The following ESRRG variants were observed in gnomAD, a reference collection of about 807,000 sequenced individuals.
ESRRG encodes the protein estrogen related receptor gamma.
In ESRRG, 13 loss-of-function variants were observed where a neutral mutation model predicts 44.0. The ratio of observed to expected loss-of-function variants is 0.30; its 90% CI spans 0.19 to 0.47. ESRRG has a LOEUF of 0.47. ESRRG is among the 20% of genes least tolerant of loss of function. The probability of loss-of-function intolerance (pLI) is 1.00; values close to 1 mark genes in which losing one functional copy is unlikely to be tolerated. For synonymous variants in ESRRG, 215 were observed against 214.6 expected (o/e 1.00, Z -0.02); for missense variants, 395 against 580.6 (o/e 0.68, Z 3.29).
chr1:216,590,971 T>C (rs1451916839), intron 3 of ESRRG, among the ~76,000 whole-genome samples: 1 of 152,238 alleles, frequency 6.6e-6, no homozygotes, highest in Non-Finnish European at 1.5e-5. Flanking sequence ...ACAACAACTG[T>C]GGTATCATAG....
At chr1:216,958,854 A>T (rs2068480346) in intron 1 of ESRRG, among the ~76,000 whole-genome samples, 1 of 152,092 alleles carries the variant, frequency 6.6e-6, no homozygotes, top group Admixed American at 6.6e-5. Context: ...TTCCCTCTGC[A>T]GGGATTTTCT....
At chr1:216,830,041 A>G (rs1041359178) in intron 2 of ESRRG, among the ~76,000 whole-genome samples, 3 of 152,136 alleles carry the variant, frequency 2.0e-5, no homozygotes, top group African/African-American at 7.2e-5. Context: ...ACACACACAC[A>G]TGCACACACA....
At chr1:216,536,251 C>A (rs947922613) in intron 5 of ESRRG, among the ~76,000 whole-genome samples, 1 of 152,020 alleles carries the variant, frequency 6.6e-6, no homozygotes, top group Non-Finnish European at 1.5e-5. Context: ...AAAGAGCAAG[C>A]CTTTATATTT....
intron 1 of ESRRG, among the ~76,000 whole-genome samples, chr1:216,987,699 C>A (rs2075090448): frequency 6.6e-6 from 1 of 152,186 alleles, no homozygotes; most frequent in Admixed American, 6.5e-5. Flanking sequence ...GTGCCCCACT[C>A]CCATCCCTTC....
At chr1:217,060,994 T>C (rs1037239921) in intron 1 of ESRRG, among the ~76,000 whole-genome samples, 1 of 152,060 alleles carries the variant, frequency 6.6e-6, no homozygotes, top group African/African-American at 2.4e-5. Flanking sequence ...GTAGTCTTTT[T>C]TTTTTAGTAT....
intron 1 of ESRRG, among the ~76,000 whole-genome samples, chr1:217,064,614 C>A (rs1324189581): frequency 6.6e-6 from 1 of 152,072 alleles, no homozygotes; most frequent in Non-Finnish European, 1.5e-5. Flanking sequence ...GTGAATGAGG[C>A]CAGGAGATTG....
chr1:216,938,655 T>C (rs932259302), intron 2 of ESRRG, among the ~76,000 whole-genome samples: 1 of 152,206 alleles, frequency 6.6e-6, no homozygotes, highest in African/African-American at 2.4e-5. Context: ...AAGGGTTCAC[T>C]AGCAAGTACC....
chr1:217,088,810 G>T (rs2092251219), intron 1 of ESRRG, among the ~76,000 whole-genome samples: 1 of 152,062 alleles, frequency 6.6e-6, no homozygotes, highest in African/African-American at 2.4e-5. Flanking sequence ...CTGTCTCTGA[G>T]ACTCTCCCAT....
chr1:217,064,096 G>A (rs1312895514), intron 1 of ESRRG, among the ~76,000 whole-genome samples: 3 of 151,354 alleles, frequency 2.0e-5, no homozygotes, highest in South Asian at 4.2e-4. Context: ...AAAGCACAAG[G>A]GTTTAGTATA....
At chr1:216,766,840 A>G (rs1323199709) in intron 2 of ESRRG, among the ~76,000 whole-genome samples, 1 of 152,170 alleles carries the variant, frequency 6.6e-6, no homozygotes. Context: ...CATGACTCAG[A>G]CCAAATGCCT....
intron 1 of ESRRG, among the ~76,000 whole-genome samples, chr1:216,703,107 C>A (rs2151890139): frequency 6.6e-6 from 1 of 152,256 alleles, no homozygotes; most frequent in African/African-American, 2.4e-5. Flanking sequence ...CTTTGTTTAT[C>A]TAAGGAGTCT....
intron 2 of ESRRG, among the ~76,000 whole-genome samples, chr1:216,891,077 A>G (rs1172136401): frequency 2.0e-5 from 3 of 152,182 alleles, no homozygotes; most frequent in African/African-American, 4.8e-5. Context: ...TATGGAAAAA[A>G]AGGTTTCCTG....
At chr1:217,075,593 C>CCT (rs1266963898) in intron 1 of ESRRG, among the ~76,000 whole-genome samples, 2 of 147,862 alleles carry the variant, frequency 1.4e-5, no homozygotes, top group South Asian at 4.6e-4. Context: ...CTCCTTTCCC[C>CCT]CCCCCAACAT....
chr1:217,053,970 G>A (rs979528244), intron 1 of ESRRG, among the ~76,000 whole-genome samples: 15 of 151,640 alleles, frequency 9.9e-5, no homozygotes, highest in Admixed American at 8.5e-4. Flanking sequence ...GTTGTCAGCC[G>A]TGGCGTTCTT....
At chr1:216,766,096 T>C (rs976786293) in intron 2 of ESRRG, among the ~76,000 whole-genome samples, 1 of 152,142 alleles carries the variant, frequency 6.6e-6, no homozygotes, top group Non-Finnish European at 1.5e-5. Flanking sequence ...TTTTGATCTC[T>C]TCATTCAGCA....
chr1:216,766,566 CG>C (rs2093087957), intron 2 of ESRRG, among the ~76,000 whole-genome samples: 1 of 151,798 alleles, frequency 6.6e-6, no homozygotes, highest in African/African-American at 2.4e-5. Flanking sequence ...GCAGCACACT[CG>C]ATAGGTTTCA....
At chr1:216,759,542 C>T (rs1261360699) in intron 2 of ESRRG, among the ~76,000 whole-genome samples, 1 of 152,010 alleles carries the variant, frequency 6.6e-6, no homozygotes, top group Non-Finnish European at 1.5e-5. Flanking sequence ...TTTCAATTTC[C>T]ACCTGCTCCC....
chr1:216,541,824 T>C (rs1416372735), intron 5 of ESRRG, among the ~76,000 whole-genome samples: 1 of 151,974 alleles, frequency 6.6e-6, no homozygotes, highest in Admixed American at 6.6e-5. Context: ...TTTTCTCAGA[T>C]AGTCCATTTA....
chr1:216,623,240 G>A (rs537683265), intron 3 of ESRRG, among the ~76,000 whole-genome samples: 3 of 151,802 alleles, frequency 2.0e-5, no homozygotes, highest in East Asian at 1.9e-4. Flanking sequence ...CCACCACCAC[G>A]CCCGGCTAAT....
Sources: allele counts gnomAD v4.1 joint callset (sites outside exome capture counted in the v4.1 genomes callset), GRCh38; gene constraint gnomAD v4.1.1; transcripts MANE v1.5; gene names NCBI Gene and HGNC (gene_info 2026-07-23, HGNC 2026-07-21).